The following NEGR1 variants were observed in gnomAD, a reference collection of about 807,000 sequenced individuals.
NEGR1 encodes the protein neuronal growth regulator 1.
NEGR1 carries 10 observed loss-of-function variants against 40.9 expected under a neutral mutation model. That is an observed-to-expected ratio of 0.24 (90% confidence interval 0.15 to 0.42). The LOEUF is 0.42. Among genes scored for constraint, NEGR1 ranks in the 10% least tolerant of loss-of-function variants. The pLI, the probability that NEGR1 is intolerant of heterozygous loss-of-function variation, is 1.00. For missense variants in NEGR1, 352 were observed against 438.9 expected (o/e 0.80, Z 1.77); for synonymous variants, 185 against 166.8 (o/e 1.11, Z -0.84).
chr1:71,939,783 C>A (rs183960264), intron 1 of NEGR1, among the ~76,000 whole-genome samples: 2 of 148,870 alleles, frequency 1.3e-5, no homozygotes, highest in Non-Finnish European at 3.0e-5. Context: ...TCTACACTTC[C>A]GAAACCCTTT....
At chr1:72,038,756 C>G (rs544017246) in intron 1 of NEGR1, among the ~76,000 whole-genome samples, 1 of 151,846 alleles carries the variant, frequency 6.6e-6, no homozygotes, top group African/African-American at 2.4e-5. Flanking sequence ...ATGGATGCTC[C>G]ATGAATCACC....
chr1:71,790,125 T>C (rs1464196309), intron 2 of NEGR1, among the ~76,000 whole-genome samples: 2 of 152,092 alleles, frequency 1.3e-5, no homozygotes, highest in Admixed American at 1.3e-4. Flanking sequence ...TATGTAGATT[T>C]CAGGAGCCGT....
At chr1:71,911,684 T>C (rs1331275016) in intron 2 of NEGR1, among the ~76,000 whole-genome samples, 1 of 152,182 alleles carries the variant, frequency 6.6e-6, no homozygotes, top group Non-Finnish European at 1.5e-5. Flanking sequence ...TGAAGTGTAG[T>C]TACTTTCCAC....
At chr1:71,679,726 T>A (rs186537854) in intron 4 of NEGR1, among the ~76,000 whole-genome samples, 1 of 152,108 alleles carries the variant, frequency 6.6e-6, no homozygotes, top group Non-Finnish European at 1.5e-5. Flanking sequence ...ATTGAAAGGT[T>A]CAGTATGAGA....
chr1:72,174,274 A>G (rs887330298), intron 1 of NEGR1, among the ~76,000 whole-genome samples: 1 of 152,126 alleles, frequency 6.6e-6, no homozygotes, highest in African/African-American at 2.4e-5. Context: ...AGTCTCTTTT[A>G]CTATCAATAT....
intron 6 of NEGR1, chr1:71,463,580 A>T (rs1276528799): frequency 6.6e-6 from 1 of 152,176 alleles, no homozygotes; most frequent in Non-Finnish European, 1.5e-5. Context: ...TGAGCAAGAA[A>T]TGCAAACCTG....
intron 2 of NEGR1, among the ~76,000 whole-genome samples, chr1:71,821,343 A>C (rs1447535270): frequency 6.6e-6 from 1 of 152,042 alleles, no homozygotes; most frequent in African/African-American, 2.4e-5. Flanking sequence ...GAACCTGTGA[A>C]GCTTAAAGGG....
intron 2 of NEGR1, among the ~76,000 whole-genome samples, chr1:71,811,747 T>C (rs1281708944): frequency 6.6e-6 from 1 of 151,234 alleles, no homozygotes; most frequent in East Asian, 1.9e-4. Context: ...GTCTGGTAGA[T>C]AGTAGTTGCT....
chr1:71,490,396 A>G (rs927773843), intron 6 of NEGR1, among the ~76,000 whole-genome samples: 5 of 151,994 alleles, frequency 3.3e-5, no homozygotes, highest in African/African-American at 1.2e-4. Flanking sequence ...AAAAAACAAC[A>G]TAAAGGATAT....
intron 1 of NEGR1, among the ~76,000 whole-genome samples, chr1:72,205,369 G>C (rs775507881): frequency 2.6e-5 from 4 of 151,624 alleles, no homozygotes; most frequent in Non-Finnish European, 5.9e-5. Context: ...AGGAGTAAGG[G>C]ACTGATTCTC....
chr1:71,638,523 G>A (rs901613529), intron 4 of NEGR1, among the ~76,000 whole-genome samples: 2 of 152,100 alleles, frequency 1.3e-5, no homozygotes, highest in African/African-American at 4.8e-5. Context: ...CAAGTAAGAT[G>A]TGAGCTGCAC....
intron 1 of NEGR1, among the ~76,000 whole-genome samples, chr1:71,940,592 C>T (rs1210733668): frequency 1.3e-5 from 2 of 152,140 alleles, no homozygotes; most frequent in Non-Finnish European, 2.9e-5. Flanking sequence ...AATGGCACTG[C>T]TGCCTAAATT....
In NEGR1 at chr1:72,086,691, G is replaced by T. The variant is rs532550370; in HGVS notation, c.177-151380C>A. On this transcript the variant is annotated intron_variant, in intron 1 of 6. Transcript: ENST00000357731. The stretch of plus-strand genomic sequence containing the variant: ...CTTTATAATAAGTGTTGTTCCGGTT[G>T]ATCTGATATTTCTTGCATCTTGAAT... 3.3e-5 allele frequency among the ~76,000 whole-genome samples: 5 copies of T among 152,224 alleles called. No homozygotes were observed. The South Asian group carries it at 1.0e-3, about 32-fold the overall frequency.
intron 1 of NEGR1, among the ~76,000 whole-genome samples, chr1:72,068,915 T>A (rs1647350251): frequency 6.6e-6 from 1 of 152,116 alleles, no homozygotes; most frequent in African/African-American, 2.4e-5. Flanking sequence ...TATCATTTAA[T>A]AGGAAGAAAA....
intron 1 of NEGR1, among the ~76,000 whole-genome samples, chr1:72,256,712 T>A (rs115096790): frequency 9.1e-4 from 139 of 152,330 alleles, no homozygotes; most frequent in African/African-American, 3.2e-3. Context: ...TTTGCTGTTA[T>A]CAAATTTTGT....
At chr1:71,445,268 A>G (rs574470209) in intron 6 of NEGR1, among the ~76,000 whole-genome samples, 209 of 152,118 alleles carry the variant, frequency 1.4e-3, no homozygotes, top group African/African-American at 5.0e-3. Context: ...AGGAGAAAAT[A>G]AAAATTCAAG....
chr1:71,727,403 C>G (rs77168980), intron 3 of NEGR1, among the ~76,000 whole-genome samples: 4,080 of 152,110 alleles, frequency 0.027, 82 homozygotes, highest in South Asian at 0.045. Flanking sequence ...ATTGCTAAAG[C>G]TTTGATAAAA....
At chr1:71,597,454 C>CTG (rs1649754151) in intron 5 of NEGR1, among the ~76,000 whole-genome samples, 1 of 57,014 alleles carries the variant, frequency 1.8e-5, no homozygotes. Context: ...CTCTCTCTCT[C>CTG]TCTCTCTCTC....
chr1:72,041,969 AAT>A (rs1355995630), intron 1 of NEGR1, among the ~76,000 whole-genome samples: 3 of 133,634 alleles, frequency 2.2e-5, no homozygotes, highest in Non-Finnish European at 4.8e-5. Flanking sequence ...ATTATATATA[AAT>A]ATATAATACA....
Sources: allele counts gnomAD v4.1 joint callset (sites outside exome capture counted in the v4.1 genomes callset), GRCh38; gene constraint gnomAD v4.1.1; transcripts MANE v1.5; gene names NCBI Gene and HGNC (gene_info 2026-07-23, HGNC 2026-07-21).